The following DIAPH2 variants were observed in gnomAD, a reference collection of about 807,000 sequenced individuals.
DIAPH2 encodes protein diaphanous homolog 2.
Under a neutral mutation model 92.7 loss-of-function variants are expected in DIAPH2, and 35 were observed. That is an observed-to-expected ratio of 0.38 (90% CI 0.29 to 0.50). The LOEUF is 0.50. Among genes scored for constraint, DIAPH2 ranks in the 20% least tolerant of loss-of-function variants. The probability of loss-of-function intolerance (pLI) is 0.94; values close to 1 mark genes in which losing one functional copy is unlikely to be tolerated. For synonymous variants in DIAPH2, 301 were observed against 280.4 expected (o/e 1.07, Z -0.73); for missense variants, 701 against 819.5 (o/e 0.86, Z 1.77).
intron 5 of DIAPH2, chrX:96,884,950 C>T: frequency 1.7e-6 from 2 of 1,211,281 alleles, no homozygotes; most frequent in Non-Finnish European, 2.2e-6. Context: ...TGAGTGTCCT[C>T]ATCAGGAAGG....
chrX:96,848,653 G>A (rs1394729472), intron 4 of DIAPH2, among the ~76,000 whole-genome samples: 10 of 111,828 alleles, frequency 8.9e-5, no homozygotes, highest in Admixed American at 7.6e-4. Context: ...CAGGGGTTGA[G>A]CTGTTCATAA....
At chrX:96,789,085 G>A (rs1387744271) in intron 4 of DIAPH2, among the ~76,000 whole-genome samples, 1 of 112,257 alleles carries the variant, frequency 8.9e-6, no homozygotes, top group Non-Finnish European at 1.9e-5. Context: ...TAGTAGAGAT[G>A]CACAGCCAGA....
At chrX:96,977,646 C>T (rs368826207) in intron 17 of DIAPH2, among the ~76,000 whole-genome samples, 1 of 110,948 alleles carries the variant, frequency 9.0e-6, no homozygotes, top group Non-Finnish European at 1.9e-5. Context: ...TATAGCTTCT[C>T]ATTCATATTT....
At chrX:97,355,956 C>T (rs1485777091) in intron 24 of DIAPH2, among the ~76,000 whole-genome samples, 1 of 111,981 alleles carries the variant, frequency 8.9e-6, no homozygotes, top group African/African-American at 3.2e-5. Context: ...CTTGCTGTAG[C>T]TTCAGCTCCA....
intron 26 of DIAPH2, among the ~76,000 whole-genome samples, chrX:97,587,989 C>T (rs2071489942): frequency 8.9e-6 from 1 of 111,838 alleles, no homozygotes; most frequent in African/African-American, 3.3e-5. Flanking sequence ...GAACTTTGAC[C>T]TGTCACGCTA....
chrX:96,847,539 G>C (rs139661548), intron 4 of DIAPH2, among the ~76,000 whole-genome samples: 1,794 of 111,055 alleles, frequency 0.016, 44 homozygotes, highest in African/African-American at 0.055. Context: ...CATGATGTGA[G>C]TAAAGCCCCT....
At chrX:96,917,481 T>TA (rs760322863) in intron 8 of DIAPH2, among the ~76,000 whole-genome samples, 18 of 111,683 alleles carry the variant, frequency 1.6e-4, no homozygotes, top group African/African-American at 4.5e-4. Context: ...ATAACATATG[T>TA]AAAAGCAAGG....
rs181430816 is a variant in DIAPH2 at position 97,412,974 on chromosome X, G to T, written c.3146-16676G>T. On this transcript the variant is annotated intron_variant, in intron 25 of 26. Coordinates refer to ENST00000324765, the MANE Select transcript of DIAPH2 (RefSeq NM_006729.5). ...GATTTGCAGCTGAATTCTACCAGAAGTACAAAGAGGAGCTGGTACCATTCC... is the reference window on the plus strand; with the variant it reads ...GATTTGCAGCTGAATTCTACCAGAATTACAAAGAGGAGCTGGTACCATTCC... Among the ~76,000 whole-genome samples the T allele has an allele frequency of 3.1e-3, 345 of 111,890 alleles. 2 individuals carry two copies. The highest frequency in any genetic ancestry group is 0.023 in the Middle Eastern group (5 of 214).
intron 22 of DIAPH2, among the ~76,000 whole-genome samples, chrX:97,215,200 G>T (rs971456971): frequency 2.7e-5 from 3 of 111,662 alleles, no homozygotes; most frequent in Non-Finnish European, 3.8e-5. Context: ...CTACTGGTCT[G>T]CCTCTCAGGA....
chrX:96,812,939 A>G (rs1169259595), intron 4 of DIAPH2, among the ~76,000 whole-genome samples: 1 of 111,592 alleles, frequency 9.0e-6, no homozygotes, highest in Non-Finnish European at 1.9e-5. Context: ...CTTTACTTCC[A>G]ACTATGTGGT....
chrX:96,948,394 T>C (rs759862834), intron 14 of DIAPH2, among the ~76,000 whole-genome samples: 84 of 110,990 alleles, frequency 7.6e-4, no homozygotes, highest in Admixed American at 1.2e-3. Context: ...GCCAACATGG[T>C]GAAACCCATC....
chrX:97,177,547 C>T (rs1402369058), intron 22 of DIAPH2, among the ~76,000 whole-genome samples: 1 of 110,409 alleles, frequency 9.1e-6, no homozygotes, highest in Admixed American at 9.7e-5. Context: ...TTCCAGTTTT[C>T]CTTCCCTTCT....
At chrX:96,753,317 C>A (rs1318251049) in intron 3 of DIAPH2, among the ~76,000 whole-genome samples, 1 of 111,751 alleles carries the variant, frequency 8.9e-6, no homozygotes, top group East Asian at 2.8e-4. Flanking sequence ...CAATATGAGT[C>A]AGCAGAATGA....
At chrX:96,810,370 T>C (rs2064668017) in intron 4 of DIAPH2, among the ~76,000 whole-genome samples, 1 of 112,131 alleles carries the variant, frequency 8.9e-6, no homozygotes, top group South Asian at 3.7e-4. Flanking sequence ...GGGTTGTTTG[T>C]TTTTTTCTTG....
chrX:96,821,926 A>G (rs758270832), intron 4 of DIAPH2, among the ~76,000 whole-genome samples: 2 of 112,042 alleles, frequency 1.8e-5, no homozygotes, highest in South Asian at 3.7e-4. Context: ...ATTTTTATAC[A>G]CAAGACATAG....
intron 23 of DIAPH2, among the ~76,000 whole-genome samples, chrX:97,250,376 T>A (rs1424874340): frequency 8.9e-6 from 1 of 112,004 alleles, no homozygotes; most frequent in Non-Finnish European, 1.9e-5. Context: ...GCAACAATGC[T>A]GTAGTTAGCA....
chrX:96,988,086 A>T (rs2066044280), intron 17 of DIAPH2, among the ~76,000 whole-genome samples: 2 of 108,875 alleles, frequency 1.8e-5, no homozygotes, highest in African/African-American at 6.6e-5. Flanking sequence ...TATATTTAGA[A>T]ATATATATAT....
At chrX:96,778,465 A>G (rs1017995811) in intron 4 of DIAPH2, among the ~76,000 whole-genome samples, 1 of 109,545 alleles carries the variant, frequency 9.1e-6, no homozygotes, top group African/African-American at 3.3e-5. Context: ...GTAACACTTT[A>G]CTCCTAAATA....
intron 13 of DIAPH2, among the ~76,000 whole-genome samples, chrX:96,943,429 A>G (rs1286385509): frequency 1.8e-5 from 2 of 111,234 alleles, no homozygotes; most frequent in African/African-American, 6.5e-5. Context: ...GCTTGTGCCA[A>G]TTTACCCAGA....
Sources: allele counts gnomAD v4.1 joint callset (sites outside exome capture counted in the v4.1 genomes callset), GRCh38; gene constraint gnomAD v4.1.1; transcripts MANE v1.5; gene names NCBI Gene and HGNC (gene_info 2026-07-23, HGNC 2026-07-21).